CTXND1: variants seen among roughly 807,000 people sequenced by gnomAD.
The protein encoded by CTXND1 is cortexin domain-containing 1 protein.
At position 80,200,267 on chromosome 15, in the gene CTXND1, C is replaced by T. The variant is rs75884791; in HGVS notation, c.*1503G>A. On this transcript the variant is annotated 3_prime_UTR_variant, in exon 3 of 3. Coordinates refer to ENST00000560778, the MANE Select transcript of CTXND1 (RefSeq NM_001352888.2). Reference sequence around the variant, plus strand: ...GTGAATTCAAGAACATTCATGTTTGCCCATGTTCTCTCATTTCGTCCTCAC... The same window carrying T: ...GTGAATTCAAGAACATTCATGTTTGTCCATGTTCTCTCATTTCGTCCTCAC... 5,036 of 152,332 alleles carry T rather than the reference C, an allele frequency of 0.033. 115 individuals carry two copies. The highest frequency in any genetic ancestry group is 0.045 in the Non-Finnish European group (3,070 of 68,054). 9.4% of individuals were successfully genotyped at this position (152,332 alleles called of 1,614,324 possible).
chr15:80,239,012 T>C (rs1276856843), intron 1 of CTXND1, among the ~76,000 whole-genome samples: 1 of 152,222 alleles, frequency 6.6e-6, no homozygotes, highest in Non-Finnish European at 1.5e-5. Context: ...ACCACATGAC[T>C]GAACTGAACT....
chr15:80,236,553 C>G (rs538750604), intron 1 of CTXND1, among the ~76,000 whole-genome samples: 1 of 151,596 alleles, frequency 6.6e-6, no homozygotes, highest in Non-Finnish European at 1.5e-5. Flanking sequence ...GAGGCTGAGG[C>G]GGGTGGATCA....
At chr15:80,230,088 G>T (rs1220983409) in intron 1 of CTXND1, among the ~76,000 whole-genome samples, 1 of 152,180 alleles carries the variant, frequency 6.6e-6, no homozygotes, top group Admixed American at 6.5e-5. Context: ...TTATTTTCTA[G>T]ATACTTTTAT....
At chr15:80,216,541 GATC>G (rs1279491689) in intron 1 of CTXND1, among the ~76,000 whole-genome samples, 1 of 152,126 alleles carries the variant, frequency 6.6e-6, no homozygotes, top group African/African-American at 2.4e-5. Flanking sequence ...CTTGTTTATG[GATC>G]ATCATTTAAT....
intron 1 of CTXND1, among the ~76,000 whole-genome samples, chr15:80,246,537 C>G (rs1216126475): frequency 2.0e-5 from 3 of 152,214 alleles, no homozygotes; most frequent in Non-Finnish European, 1.5e-5. Context: ...TATGAAGTGC[C>G]CTTGTGTGAA....
At chr15:80,237,147 A>G (rs1893508846) in intron 1 of CTXND1, among the ~76,000 whole-genome samples, 1 of 152,016 alleles carries the variant, frequency 6.6e-6, no homozygotes, top group Non-Finnish European at 1.5e-5. Context: ...CATCCTGGCT[A>G]ACACAGTGAA....
At chr15:80,226,399 T>C (rs184005736) in intron 1 of CTXND1, among the ~76,000 whole-genome samples, 1 of 152,220 alleles carries the variant, frequency 6.6e-6, no homozygotes, top group Admixed American at 6.5e-5. Context: ...TTAGGACATG[T>C]TTCTTTTGTA....
At chr15:80,251,425 A>T (rs1567137264) in intron 1 of CTXND1, among the ~76,000 whole-genome samples, 1 of 152,180 alleles carries the variant, frequency 6.6e-6, no homozygotes, top group Non-Finnish European at 1.5e-5. Context: ...CACCAGCAGA[A>T]CTTTCCCCAG....
intron 1 of CTXND1, among the ~76,000 whole-genome samples, chr15:80,214,538 A>C (rs1370823802): frequency 1.3e-5 from 2 of 152,176 alleles, no homozygotes; most frequent in African/African-American, 4.8e-5. Flanking sequence ...AAAATTATTG[A>C]GTCAATGAGA....
chr15:80,221,940 T>C (rs997358840), intron 1 of CTXND1, among the ~76,000 whole-genome samples: 1 of 152,222 alleles, frequency 6.6e-6, no homozygotes, highest in African/African-American at 2.4e-5. Flanking sequence ...TGTTAATTTC[T>C]AGTTTCATTG....
chr15:80,228,051 C>T (rs1458351354), intron 1 of CTXND1, among the ~76,000 whole-genome samples: 1 of 152,218 alleles, frequency 6.6e-6, no homozygotes, highest in African/African-American at 2.4e-5. Context: ...GTCATTTCAA[C>T]AAGGTTCACA....
intron 1 of CTXND1, among the ~76,000 whole-genome samples, chr15:80,204,925 A>G (rs1378890945): frequency 6.6e-6 from 1 of 152,210 alleles, no homozygotes; most frequent in Non-Finnish European, 1.5e-5. Flanking sequence ...CAAAAAGCAC[A>G]AAAAGAAAAC....
intron 1 of CTXND1, among the ~76,000 whole-genome samples, chr15:80,224,246 G>C (rs536012123): frequency 6.6e-6 from 1 of 152,124 alleles, no homozygotes; most frequent in Non-Finnish European, 1.5e-5. Context: ...ACCACCGACC[G>C]ACTGCAATCA....
intron 2 of CTXND1, among the ~76,000 whole-genome samples, chr15:80,203,125 C>G (rs1252796474): frequency 1.3e-5 from 2 of 152,172 alleles, no homozygotes; most frequent in Non-Finnish European, 2.9e-5. Context: ...TAGGAGCGAG[C>G]AGGCAGCTCC....
chr15:80,246,248 T>C (rs576381520), intron 1 of CTXND1, among the ~76,000 whole-genome samples: 1 of 152,212 alleles, frequency 6.6e-6, no homozygotes, highest in Non-Finnish European at 1.5e-5. Context: ...CAAAGTTCAA[T>C]TCATATAAAG....
intron 1 of CTXND1, among the ~76,000 whole-genome samples, chr15:80,226,872 A>C (rs1285341842): frequency 6.6e-6 from 1 of 152,024 alleles, no homozygotes; most frequent in African/African-American, 2.4e-5. Flanking sequence ...TCTATTTTTT[A>C]TTTCTTTGGT....
At chr15:80,240,153 C>T (rs987280720) in intron 1 of CTXND1, among the ~76,000 whole-genome samples, 1 of 152,076 alleles carries the variant, frequency 6.6e-6, no homozygotes, top group Non-Finnish European at 1.5e-5. Flanking sequence ...TTAGTAGAGA[C>T]GAGGTTTCTC....
At chr15:80,214,182 T>C (rs1448594696) in intron 1 of CTXND1, among the ~76,000 whole-genome samples, 2 of 152,182 alleles carry the variant, frequency 1.3e-5, no homozygotes, top group Non-Finnish European at 2.9e-5. Flanking sequence ...GTACAATACA[T>C]TTTTCACATT....
rs542521427 is a variant in CTXND1, at chr15:80,245,149, C to T, written c.-218+6858G>A. ...AGAGGGATCGTAAGACTAACACCAG[C>T]GGCTATCGTGATCATGCAATCCCTC... On this transcript the variant is annotated intron_variant, in intron 1 of 2. Coordinates refer to ENST00000560778, the MANE Select transcript of CTXND1 (RefSeq NM_001352888.2). Among the ~76,000 whole-genome samples, 20 of 152,176 alleles carry T rather than the reference C, an allele frequency of 1.3e-4. No individual in the cohort carries two copies. The South Asian group carries it at 2.9e-3, about 22-fold the overall frequency.
Sources: gnomAD v4.1 joint callset for allele counts (sites outside exome capture counted in the v4.1 genomes callset) on GRCh38, gnomAD v4.1.1 for gene constraint, MANE v1.5 for transcripts, NCBI Gene and HGNC (gene_info 2026-07-23, HGNC 2026-07-21) for gene names.